Variants in ARNT2 observed in about 807,000 individuals in gnomAD.
ARNT2 encodes the protein ARNT protein 2.
Under a neutral mutation model 91.7 loss-of-function variants are expected in ARNT2, and 36 were observed. That is an observed-to-expected ratio of 0.39 (90% CI 0.30 to 0.52). The LOEUF is 0.52. Ranked by LOEUF, ARNT2 falls within the 20% of genes least tolerant of loss-of-function variation. The pLI is 0.72. For synonymous variants in ARNT2, 365 were observed against 347.1 expected, an observed-to-expected ratio of 1.05 and a Z score of -0.57; for missense variants, 775 against 939.3, an observed-to-expected ratio of 0.83 and a Z score of 2.29.
intron 1 of ARNT2, among the ~76,000 whole-genome samples, chr15:80,416,331 A>G (rs1241510738): frequency 6.6e-6 from 1 of 151,490 alleles, no homozygotes; most frequent in African/African-American, 2.4e-5. Flanking sequence ...TCACTGTGCC[A>G]CTTGAGAATG....
chr15:80,552,604 C>A, intron 9 of ARNT2, 36 bp from the exon 10 acceptor site: 1 of 1,606,992 alleles, frequency 6.2e-7, no homozygotes, highest in Non-Finnish European at 8.5e-7. Flanking sequence ...TCGTCTCTGT[C>A]AACACCACCT....
At position 80,593,772 on chromosome 15, in the gene ARNT2, C is replaced by T. The variant is rs1893327472; in HGVS notation, c.*74C>T. ...TGTCGATGCCCATGTGAATGAGGCC[C>T]ACCCTCGCCCTGCTTGCCCTGCCGC... On this transcript the variant is annotated 3_prime_UTR_variant, in exon 19 of 19. Transcript: ENST00000303329. The T allele has an allele frequency of 3.6e-6, 5 of 1,376,792 alleles. No individual in the cohort carries two copies. Among genetic ancestry groups the T allele is most frequent in the African/African-American group, 1.4e-5 (1 of 69,716 alleles). 85.3% of individuals were successfully genotyped at this position (1,376,792 alleles called of 1,614,324 possible). A position where few individuals can be genotyped will look rare whatever the true frequency, so the allele number is the denominator to read the frequency against.
At chr15:80,457,454 C>T (rs1335877930) in intron 2 of ARNT2, among the ~76,000 whole-genome samples, 1 of 152,186 alleles carries the variant, frequency 6.6e-6, no homozygotes, top group Admixed American at 6.5e-5. Flanking sequence ...ATCCCTTCAC[C>T]CTGAAAACTT....
intron 8 of ARNT2, among the ~76,000 whole-genome samples, chr15:80,547,503 T>C (rs574666735): frequency 6.6e-6 from 1 of 152,280 alleles, no homozygotes; most frequent in East Asian, 1.9e-4. Flanking sequence ...TATGCTTCCT[T>C]TGGGCTGTGA....
At chr15:80,426,850 C>T (rs1015588278) in intron 1 of ARNT2, among the ~76,000 whole-genome samples, 5 of 152,194 alleles carry the variant, frequency 3.3e-5, no homozygotes, top group East Asian at 3.9e-4. Context: ...CCAGCTGATT[C>T]GATTCCTGGT....
chr15:80,410,777 TATCTATCTATC>T (rs1454760441), intron 1 of ARNT2, among the ~76,000 whole-genome samples: 2 of 148,846 alleles, frequency 1.3e-5, no homozygotes, highest in Non-Finnish European at 3.0e-5. Context: ...TCTATCTATC[TATCTATCTATC>T]TATCTATCTA....
chr15:80,428,932 C>G (rs1359658295), intron 1 of ARNT2, among the ~76,000 whole-genome samples: 1 of 152,128 alleles, frequency 6.6e-6, no homozygotes, highest in Non-Finnish European at 1.5e-5. Flanking sequence ...GATATACGAT[C>G]GATCTGATAC....
chr15:80,457,724 T>G (rs1471574942), intron 2 of ARNT2, among the ~76,000 whole-genome samples: 3 of 152,230 alleles, frequency 2.0e-5, no homozygotes, highest in Non-Finnish European at 4.4e-5. Context: ...TTAGTGGTGC[T>G]TAGACTGAAG....
At chr15:80,508,545 A>G (rs531435020) in intron 6 of ARNT2, among the ~76,000 whole-genome samples, 1 of 152,250 alleles carries the variant, frequency 6.6e-6, no homozygotes, top group South Asian at 2.1e-4. Context: ...ACCCATCTTT[A>G]AGACCCTTCT....
chr15:80,531,447 G>A (rs994827686), intron 8 of ARNT2, among the ~76,000 whole-genome samples: 5 of 152,202 alleles, frequency 3.3e-5, no homozygotes, highest in Non-Finnish European at 1.5e-5. Context: ...ACCAATTAGG[G>A]AATCATTAAA....
chr15:80,574,849 G>A (rs907593587), intron 13 of ARNT2, 138 bp from the exon 14 acceptor site: 13 of 1,127,000 alleles, frequency 1.2e-5, no homozygotes, highest in South Asian at 1.7e-5. Context: ...CTTCCCACCC[G>A]ATAAAATGTT....
At chr15:80,480,418 C>T (rs1157458015) in intron 5 of ARNT2, among the ~76,000 whole-genome samples, 3 of 152,150 alleles carry the variant, frequency 2.0e-5, no homozygotes, top group Non-Finnish European at 4.4e-5. Context: ...CCTCCTGTGG[C>T]TGTTGAACTC....
chr15:80,483,233 C>T (rs931049047), intron 5 of ARNT2, among the ~76,000 whole-genome samples: 10 of 152,166 alleles, frequency 6.6e-5, no homozygotes, highest in Non-Finnish European at 1.3e-4. Context: ...ATAGGATTCC[C>T]GAGGAACTTA....
At chr15:80,542,000 C>G (rs1897915349) in intron 8 of ARNT2, among the ~76,000 whole-genome samples, 1 of 152,214 alleles carries the variant, frequency 6.6e-6, no homozygotes, top group Non-Finnish European at 1.5e-5. Flanking sequence ...GCCTCCTTTA[C>G]AAATGCTGGC....
chr15:80,414,866 C>A lies in ARNT2; in HGVS notation c.31+10320C>A, dbSNP rs535315860. Among the ~76,000 whole-genome samples, 3 of 151,874 alleles carry A rather than the reference C, an allele frequency of 2.0e-5. No individual in the cohort carries two copies. In the East Asian group the frequency reaches 5.8e-4, roughly 29 times the overall value. On this transcript the variant is annotated intron_variant, in intron 1 of 18. Transcript: ENST00000303329. ...TATTCCCTGCACAAAGGGTGCTGTG[C>A]TCAGTGCTGGTGGTGGTGGTGTGGT...
intron 5 of ARNT2, among the ~76,000 whole-genome samples, chr15:80,482,931 C>A (rs999608553): frequency 1.3e-5 from 2 of 152,196 alleles, no homozygotes; most frequent in African/African-American, 4.8e-5. Flanking sequence ...GACTTCATAT[C>A]AAGTTATCTG....
chr15:80,490,988 A>G (rs935276871), intron 5 of ARNT2, among the ~76,000 whole-genome samples: 1 of 152,218 alleles, frequency 6.6e-6, no homozygotes, highest in Non-Finnish European at 1.5e-5. Context: ...AGAGTGGAGC[A>G]GGGAAAGGCC....
At chr15:80,516,022 A>G (rs1359084497) in intron 8 of ARNT2, among the ~76,000 whole-genome samples, 1 of 151,808 alleles carries the variant, frequency 6.6e-6, no homozygotes, top group Non-Finnish European at 1.5e-5. Flanking sequence ...GCCTCCCACC[A>G]CCACACCCAG....
chr15:80,442,066 G>A (rs781499877), intron 1 of ARNT2, among the ~76,000 whole-genome samples: 3 of 152,198 alleles, frequency 2.0e-5, no homozygotes, highest in Admixed American at 6.5e-5. Flanking sequence ...AGACAAGAGC[G>A]TTGCATTTGA....
Sources: gnomAD v4.1 joint callset for allele counts (sites outside exome capture counted in the v4.1 genomes callset) on GRCh38, gnomAD v4.1.1 for gene constraint, MANE v1.5 for transcripts, NCBI Gene and HGNC (gene_info 2026-07-23, HGNC 2026-07-21) for gene names.